Variants in PSMC4 observed in about 807,000 individuals in gnomAD.
The protein encoded by PSMC4 is 26S proteasome regulatory subunit 6B.
A neutral mutation model predicts 48.4 loss-of-function variants in PSMC4; 13 were observed. The observed-to-expected ratio is 0.27, with a 90% CI of 0.18 to 0.43. The LOEUF (loss-of-function observed/expected upper bound fraction) is 0.43. PSMC4 is among the 20% of genes least tolerant of loss of function. The pLI is 1.00. For missense variants in PSMC4, 262 were observed against 555.9 expected (o/e 0.47, Z 5.32); for synonymous variants, 202 against 212.3 (o/e 0.95, Z 0.42).
intron 6 of PSMC4, among the ~76,000 whole-genome samples, chr19:39,976,401 CAAAAAAA>C (rs757355957): frequency 2.2e-4 from 10 of 45,180 alleles, no homozygotes; most frequent in South Asian, 1.5e-3. Flanking sequence ...GACTCCGTCT[CAAAAAAA>C]AAAAAAAAAA....
At position 39,973,581 on chromosome 19, in the gene PSMC4, TAA is replaced by T. The variant is rs11320252; in HGVS notation, c.323-691_323-690del. On this transcript the variant is annotated intron_variant, in intron 3 of 10. Coordinates refer to ENST00000157812, the MANE Select transcript of PSMC4 (RefSeq NM_006503.4). ...CTGGGTGACAGAGCAACACTCTGTCTAAAAAAAAAAAAAAAAAAAAAAATACT... is the reference window on the plus strand; with the variant it reads ...CTGGGTGACAGAGCAACACTCTGTCTAAAAAAAAAAAAAAAAAAAAATACT... Among the ~76,000 whole-genome samples, 962 of 96,956 alleles carry T rather than the reference TAA, an allele frequency of 9.9e-3. 13 individuals carry two copies. The highest frequency in any genetic ancestry group is 0.028 in the African/African-American group (724 of 26,022). The allele number at this position is 96,956 out of a possible 152,430, so 63.6% of individuals were successfully genotyped here.
intron 1 of PSMC4, 72 bp downstream of exon 1, chr19:39,971,310 G>C: frequency 6.3e-7 from 1 of 1,575,976 alleles, no homozygotes; most frequent in Non-Finnish European, 8.7e-7. Flanking sequence ...ACCTGAGTGG[G>C]GGGAGGAATG....
At chr19:39,977,468 G>A (rs906902757) in intron 6 of PSMC4, among the ~76,000 whole-genome samples, 2 of 152,042 alleles carry the variant, frequency 1.3e-5, no homozygotes, top group Admixed American at 6.6e-5. Flanking sequence ...GGTGTAGAAG[G>A]GATGTAGAAA....
rs1022165944 is a variant in PSMC4 at position 39,972,310 on chromosome 19, A to G, written c.136-59A>G. 163 of 1,609,618 alleles carry G rather than the reference A, an allele frequency of 1.0e-4. 2 individuals are homozygous for G. In the Middle Eastern group the frequency reaches 3.1e-3, roughly 31 times the overall value. Reference sequence around the variant, plus strand: ...CATCTCATACTCTTCCCCACTTTCCACCACTCTCTGGATCAGCAAGTCTGG... The same window carrying G: ...CATCTCATACTCTTCCCCACTTTCCGCCACTCTCTGGATCAGCAAGTCTGG... On this transcript the variant is annotated intron_variant, in intron 2 of 10. Coordinates refer to ENST00000157812, the MANE Select transcript of PSMC4 (RefSeq NM_006503.4).
chr19:39,974,164 G>A lies in PSMC4; in HGVS notation c.323-130G>A, dbSNP rs796583228. On this transcript the variant is annotated intron_variant, in intron 3 of 10. Transcript: ENST00000157812. The surrounding 1 kb of genome is among the most constrained non-coding windows in gnomAD (Gnocchi z 5.5). ...CTGGGGACGGACAGCAGGAGGGAAG[G>A]CTGGAGGCCGAGAGGGGACCCCTCA... is the stretch of plus-strand genomic sequence containing the variant. The A allele has an allele frequency of 1.8e-5, 20 of 1,122,876 alleles. No individual in the cohort carries two copies. The African/African-American group carries it at 3.0e-4, about 17-fold the overall frequency. The allele number at this position is 1,122,876 out of a possible 1,614,324, so 69.6% of individuals were successfully genotyped here.
rs1277582543 is a variant in PSMC4 at position 39,974,331 on chromosome 19, T to A, written c.360T>A (p.Asp120Glu). The change falls in exon 4 of 11, where the codon GAT becomes GAA. Residue 120 changes from aspartate (D) to glutamate (E), a missense_variant. Physicochemically the swap from Asp to Glu is conservative, Grantham distance 45. This residue lies in a region of PSMC4 where 131 missense variants were observed against 276.7 expected (regional missense o/e 0.47). Coordinates refer to ENST00000157812, the MANE Select transcript of PSMC4 (RefSeq NM_006503.4). The surrounding 1 kb of genome is among the most constrained non-coding windows in gnomAD (Gnocchi z 5.5). ...NYYVRILSTIDRELLKPNASV... is the reference protein window; with the variant it reads ...NYYVRILSTIERELLKPNASV... ...ATGTGCGCATCCTGAGCACCATCGA[T>A]CGGGAGCTGCTCAAGCCCAACGCCT... The A allele has an allele frequency of 6.2e-7, 1 of 1,614,000 alleles. No individual in the cohort carries two copies. The highest frequency in any genetic ancestry group is 8.5e-7 in the Non-Finnish European group (1 of 1,180,020).
At position 39,974,714 on chromosome 19, in the gene PSMC4, C is replaced by T. The variant is rs201611854; in HGVS notation, c.580-21C>T. 4.2e-3 allele frequency: 6,828 copies of T among 1,613,594 alleles called. 38 individuals carry two copies. The highest frequency in any genetic ancestry group is 0.027 in the Middle Eastern group (163 of 6,060). ...GGTGGAACCCCTGACTCCCACTTCT[C>T]TTCCTTCCTCTGGGTTTCAGATCGG... On this transcript the variant is annotated intron_variant, in intron 5 of 10. Transcript: ENST00000157812. This position sits in a 1 kb window ranked among gnomAD's most constrained non-coding sequence, Gnocchi z 5.5.
rs542444811 is a variant in PSMC4 at position 39,977,506 on chromosome 19, T to C, written c.674-2311T>C. On this transcript the variant is annotated intron_variant, in intron 6 of 10. Coordinates refer to ENST00000157812, the MANE Select transcript of PSMC4 (RefSeq NM_006503.4). ...GGAAAAGCTGCTGACTGGGGTTGAG[T>C]TTTGTTTTGTTTTCTAGAGACAGGG... 2.0e-5 allele frequency among the ~76,000 whole-genome samples: 3 copies of C among 151,572 alleles called. No homozygotes were observed. The South Asian group carries it at 6.3e-4, about 32-fold the overall frequency.
At chr19:39,972,304 C>A in intron 2 of PSMC4, 60 bp downstream of exon 2, 1 of 1,609,946 alleles carries the variant, frequency 6.2e-7, no homozygotes, top group South Asian at 1.1e-5. Context: ...CTCTTCCCCA[C>A]TTTCCACCAC....
At position 39,980,334 on chromosome 19, in the gene PSMC4, C is replaced by T. The variant is rs756474011; in HGVS notation, c.967C>T (p.Arg323Trp). The T allele has an allele frequency of 1.2e-6, 2 of 1,614,070 alleles. No homozygotes were observed. The change falls in exon 9 of 11, where the codon CGG becomes TGG. Residue 323 changes from arginine (R) to tryptophan (W), a missense_variant. Transcript: ENST00000157812. The surrounding 1 kb of genome is among the most constrained non-coding windows in gnomAD (Gnocchi z 4.8). ...AGACACCCTGGATCCGGCCCTGCTA[C>T]GGCCAGGACGGCTGGACCGTAAAAT... ...RADTLDPALL[R>W]PGRLDRKIEF...
intron 6 of PSMC4, among the ~76,000 whole-genome samples, chr19:39,977,074 A>G (rs1329349713): frequency 6.6e-6 from 1 of 151,442 alleles, no homozygotes; most frequent in Non-Finnish European, 1.5e-5. Context: ...GCAGGTCTCG[A>G]ACTCCTGGCC....
At chr19:39,972,051 G>T in intron 1 of PSMC4, 95 bp from the exon 2 acceptor site, 1 of 1,157,434 alleles carries the variant, frequency 8.6e-7, no homozygotes, top group South Asian at 1.3e-5. Flanking sequence ...AGTGACATCA[G>T]GGTGAAGTGG....
At chr19:39,976,244 AATAT>A (rs201836352) in intron 6 of PSMC4, among the ~76,000 whole-genome samples, 9 of 132,390 alleles carry the variant, frequency 6.8e-5, no homozygotes, top group African/African-American at 2.5e-4. Context: ...CTCCAAAAAA[AATAT>A]ATATATATAT....
Position 39,972,712 on chromosome 19 carries a change from T to C in PSMC4, c.322+157T>C, listed in dbSNP as rs137921976. On this transcript the variant is annotated intron_variant, in intron 3 of 10. Transcript: ENST00000157812. ...AGAAATACATACATATATATATATA[T>C]ACACATATATATATGTATATCTATG... is the stretch of plus-strand genomic sequence containing the variant. Among the ~76,000 whole-genome samples, 35 of 151,880 alleles carry C rather than the reference T, an allele frequency of 2.3e-4. No individual in the cohort carries two copies. In the East Asian group the frequency reaches 2.9e-3, roughly 13 times the overall value.
chr19:39,971,223 G>C lies in PSMC4; in HGVS notation c.21G>C (p.Leu7Phe). ...TCACTATGGAGGAGATAGGCATCTT[G>C]GTGGAGAAGGCTCAGGTACAGTGGG... MEEIGI[L>F]VEKAQDEIPA... Residue 7 changes from leucine to phenylalanine, a missense_variant, in exon 1 of 11, where the codon TTG (leucine) becomes TTC (phenylalanine). Transcript: ENST00000157812. 3 of 1,614,214 alleles carry C rather than the reference G, an allele frequency of 1.9e-6. No homozygotes were observed. The highest frequency in any genetic ancestry group is 2.5e-6 in the Non-Finnish European group (3 of 1,180,036).
At chr19:39,976,306 C>A (rs544771963) in intron 6 of PSMC4, among the ~76,000 whole-genome samples, 112 of 139,340 alleles carry the variant, frequency 8.0e-4, no homozygotes, top group African/African-American at 2.9e-3. Context: ...GCCTGTAGTC[C>A]CAGCTACTCA....
intron 1 of PSMC4, 41 bp from the exon 2 acceptor site, chr19:39,972,105 G>A: frequency 6.4e-7 from 1 of 1,560,546 alleles, no homozygotes; most frequent in Non-Finnish European, 8.8e-7. Flanking sequence ...TTTCATGAGA[G>A]GACTGTCTTC....
chr19:39,972,804 G>A (rs1195656465), intron 3 of PSMC4, among the ~76,000 whole-genome samples: 1 of 151,960 alleles, frequency 6.6e-6, no homozygotes, highest in Non-Finnish European at 1.5e-5. Context: ...GGAGTGCAAT[G>A]GCATGATCTC....
rs1475354799 is a variant in PSMC4 at position 39,972,475 on chromosome 19, G to A, written c.242G>A (p.Arg81Gln). The A allele has an allele frequency of 6.2e-7, 1 of 1,614,132 alleles. No individual in the cohort carries two copies. The highest frequency in any genetic ancestry group is 8.5e-7 in the Non-Finnish European group (1 of 1,180,036). ...EFLHAQEEVK[R>Q]IQSIPLVIGQ... ...CTCCATGCCCAGGAGGAGGTGAAGC[G>A]AATCCAAAGCATCCCGCTGGTCATC... Residue 81 changes from arginine to glutamine, a missense_variant, in exon 3 of 11, where the codon CGA becomes CAA. Physicochemically the swap from Arg to Gln is conservative, Grantham distance 43. Around this residue, in one of 4 missense-constraint regions of PSMC4, gnomAD observed 131 missense variants for 276.7 expected, o/e 0.47. Transcript: ENST00000157812.
Sources: gnomAD v4.1 joint callset for allele counts (sites outside exome capture counted in the v4.1 genomes callset) on GRCh38, gnomAD v4.1.1 for gene constraint, gnomAD v4.1.1 regional missense constraint, Gnocchi (gnomAD v3.1) non-coding constraint, MANE v1.5 for transcripts, NCBI Gene and HGNC (gene_info 2026-07-23, HGNC 2026-07-21) for gene names.